The following VEGFC variants were observed in gnomAD, a reference collection of about 807,000 sequenced individuals.
VEGFC encodes FLT4 ligand DHM.
VEGFC carries 12 observed loss-of-function variants against 46.1 expected under a neutral mutation model. The ratio of observed to expected loss-of-function variants is 0.26; its 90% CI spans 0.17 to 0.42. VEGFC has a LOEUF of 0.42. Among genes scored for constraint, VEGFC ranks in the 10% least tolerant of loss-of-function variants. The pLI is 1.00. For synonymous variants in VEGFC, 232 were observed against 195.5 expected, an observed-to-expected ratio of 1.19 and a Z score of -1.56; for missense variants, 488 against 529.4, an observed-to-expected ratio of 0.92 and a Z score of 0.77.
chr4:176,764,991 T>A (rs905135704), intron 1 of VEGFC, among the ~76,000 whole-genome samples: 1 of 152,152 alleles, frequency 6.6e-6, no homozygotes, highest in African/African-American at 2.4e-5. Flanking sequence ...GAGGATCTCT[T>A]GAGCCCAGAA....
chr4:176,688,304 C>A (rs1734083407), intron 4 of VEGFC, among the ~76,000 whole-genome samples: 1 of 152,074 alleles, frequency 6.6e-6, no homozygotes, highest in South Asian at 2.1e-4. Context: ...GAGTAGAGTT[C>A]TGCTCCATTA....
At chr4:176,782,483 T>A (rs879834770) in intron 1 of VEGFC, among the ~76,000 whole-genome samples, 361 of 137,440 alleles carry the variant, frequency 2.6e-3, no homozygotes, top group African/African-American at 7.6e-3. Context: ...AAAAAAAAAT[T>A]TTTAAATAAA....
At chr4:176,758,373 T>C (rs1229231442) in intron 1 of VEGFC, among the ~76,000 whole-genome samples, 2 of 152,154 alleles carry the variant, frequency 1.3e-5, no homozygotes, top group Admixed American at 6.6e-5. Flanking sequence ...ACCAAATGAA[T>C]ATCTAGAAGT....
intron 1 of VEGFC, among the ~76,000 whole-genome samples, chr4:176,751,331 CA>C (rs1735339448): frequency 6.6e-6 from 1 of 151,792 alleles, no homozygotes; most frequent in South Asian, 2.1e-4. Context: ...GAATGGATGG[CA>C]AAAATCATAA....
At chr4:176,791,238 C>A (rs1448972243) in intron 1 of VEGFC, among the ~76,000 whole-genome samples, 1 of 152,104 alleles carries the variant, frequency 6.6e-6, no homozygotes, top group African/African-American at 2.4e-5. Context: ...AGGGGTACTG[C>A]AAGTGTTTGA....
Position 176,770,979 on chromosome 4 carries a change from T to C in VEGFC, c.147+21186A>G, listed in dbSNP as rs2333519. 7.4e-5 allele frequency among the ~76,000 whole-genome samples: 11 copies of C among 148,520 alleles called. No homozygotes were observed. The South Asian group carries it at 1.9e-3, about 26-fold the overall frequency. The stretch of plus-strand genomic sequence containing the variant: ...TTCAATTGAAGGTGCAAGTAACTGA[T>C]ACACACACACACACACACACACACA... On this transcript the variant is annotated intron_variant, in intron 1 of 6. Transcript: ENST00000618562.
intron 1 of VEGFC, among the ~76,000 whole-genome samples, chr4:176,789,203 C>T (rs1278797660): frequency 6.6e-6 from 1 of 152,290 alleles, no homozygotes; most frequent in South Asian, 2.1e-4. Context: ...TCAAGAGGAA[C>T]CGGAACCAGA....
At chr4:176,718,505 T>C (rs1734731454) in intron 3 of VEGFC, among the ~76,000 whole-genome samples, 1 of 152,156 alleles carries the variant, frequency 6.6e-6, no homozygotes. Flanking sequence ...ATGCTCATAT[T>C]ATTGATTGCT....
intron 2 of VEGFC, among the ~76,000 whole-genome samples, chr4:176,729,046 T>C (rs1032047970): frequency 2.0e-4 from 31 of 152,130 alleles, no homozygotes; most frequent in Admixed American, 5.2e-4. Flanking sequence ...ACATGATCAT[T>C]TTTTGTGAAG....
At chr4:176,688,303 T>A (rs1734083362) in intron 4 of VEGFC, among the ~76,000 whole-genome samples, 1 of 152,258 alleles carries the variant, frequency 6.6e-6, no homozygotes, top group South Asian at 2.1e-4. Flanking sequence ...TGAGTAGAGT[T>A]CTGCTCCATT....
In VEGFC at chr4:176,784,779, A is replaced by AAAAAAAAAAG. The variant is rs1553998122; in HGVS notation, c.147+7385_147+7386insCTTTTTTTTT. ...CTCAAAAAAAAAAAAAAAAAAAAAA[A>AAAAAAAAAAG]GATAAAGTAACTAAATACACAAAAC... On this transcript the variant is annotated intron_variant, in intron 1 of 6. Coordinates refer to ENST00000618562, the MANE Select transcript of VEGFC (RefSeq NM_005429.5). Among the ~76,000 whole-genome samples the AAAAAAAAAAG allele has an allele frequency of 2.0e-5, 2 of 100,218 alleles. 1 individual carries two copies. Among genetic ancestry groups the AAAAAAAAAAG allele is most frequent in the East Asian group, 8.0e-4 (2 of 2,514 alleles). 65.7% of individuals were successfully genotyped at this position (100,218 alleles called of 152,430 possible). A position where few individuals can be genotyped will look rare whatever the true frequency, so the allele number is the denominator to read the frequency against.
intron 1 of VEGFC, among the ~76,000 whole-genome samples, chr4:176,780,195 C>T (rs1184679965): frequency 6.6e-6 from 1 of 152,020 alleles, no homozygotes; most frequent in African/African-American, 2.4e-5. Context: ...GCCTGGCCAA[C>T]AGGGTGAAAC....
Position 176,733,933 on chromosome 4 carries a change from C to T in VEGFC, c.148-4187G>A, listed in dbSNP as rs142202073. Among the ~76,000 whole-genome samples, 328 of 151,898 alleles carry T rather than the reference C, an allele frequency of 2.2e-3. 2 individuals carry two copies. Among genetic ancestry groups the T allele is most frequent in the African/African-American group, 7.4e-3 (309 of 41,512 alleles). On this transcript the variant is annotated intron_variant, in intron 1 of 6. Transcript: ENST00000618562. ...AAAGAACTTTAAAAAAATAATTTTG[C>T]TTTCATTCTAGAAATAAATTGCTTG...
intron 1 of VEGFC, among the ~76,000 whole-genome samples, chr4:176,730,387 A>G (rs886685853): frequency 3.3e-5 from 5 of 152,176 alleles, no homozygotes; most frequent in African/African-American, 4.8e-5. Flanking sequence ...AACTGCATAC[A>G]TAAGTATACT....
chr4:176,751,994 T>C (rs1735350448), intron 1 of VEGFC, among the ~76,000 whole-genome samples: 1 of 151,980 alleles, frequency 6.6e-6, no homozygotes, highest in Admixed American at 6.6e-5. Context: ...ATGGATAAAT[T>C]TCATATTTCT....
rs1553997821 is a variant in VEGFC, at chr4:176,780,388, A to AAAAAAAAAACAAAC, written c.147+11776_147+11777insGTTTGTTTTTTTTT. Among the ~76,000 whole-genome samples the AAAAAAAAAACAAAC allele has an allele frequency of 5.0e-4, 11 of 21,830 alleles. 2 individuals carry two copies. The South Asian group carries it at 0.011, about 22-fold the overall frequency. The allele number at this position is 21,830 out of a possible 152,430, so 14.3% of individuals were successfully genotyped here. The stretch of plus-strand genomic sequence containing the variant: ...CAGAGCGAGACTCCATCTCAAAAAA[A>AAAAAAAAAACAAAC]AAAAAAAAAAACTCCTTCTAACCCA... On this transcript the variant is annotated intron_variant, in intron 1 of 6. Coordinates refer to ENST00000618562, the MANE Select transcript of VEGFC (RefSeq NM_005429.5).
rs117029211 is a variant in VEGFC at position 176,790,616 on chromosome 4, A to G, written c.147+1549T>C. Among the ~76,000 whole-genome samples the G allele has an allele frequency of 3.7e-4, 57 of 152,306 alleles. 1 individual carries two copies. The East Asian group carries it at 7.9e-3, about 21-fold the overall frequency. On this transcript the variant is annotated intron_variant, in intron 1 of 6. Coordinates refer to ENST00000618562, the MANE Select transcript of VEGFC (RefSeq NM_005429.5). ...CTCTCATACAGGCTATTGGCTTATC[A>G]GGGAATGTTTCTCATTTTACTCTCT...
intron 1 of VEGFC, among the ~76,000 whole-genome samples, chr4:176,743,717 ACT>A (rs976878627): frequency 6.6e-6 from 1 of 151,550 alleles, no homozygotes; most frequent in African/African-American, 2.4e-5. Context: ...TTCAGCTTCT[ACT>A]GTTTTATTCA....
At chr4:176,728,032 C>T (rs1734902638) in intron 2 of VEGFC, 64 bp from the exon 3 acceptor site, 3 of 1,370,512 alleles carry the variant, frequency 2.2e-6, no homozygotes, top group Middle Eastern at 1.9e-4. Context: ...AAGCCCACAG[C>T]AGCTGCAAAT....
Sources: allele counts gnomAD v4.1 joint callset (sites outside exome capture counted in the v4.1 genomes callset), GRCh38; gene constraint gnomAD v4.1.1; transcripts MANE v1.5; gene names NCBI Gene and HGNC (gene_info 2026-07-23, HGNC 2026-07-21).